STXBP5L: variants seen among roughly 807,000 people sequenced by gnomAD.
STXBP5L encodes the protein syntaxin-binding protein 5-like.
In STXBP5L, 65 loss-of-function variants were observed where a neutral mutation model predicts 144.5. The observed-to-expected ratio is 0.45, with a 90% CI of 0.37 to 0.55. The LOEUF is 0.55. Ranked by LOEUF, STXBP5L falls within the 20% of genes least tolerant of loss-of-function variation. The pLI is 0.00. For synonymous variants in STXBP5L, 505 were observed against 469.6 expected, an observed-to-expected ratio of 1.08 and a Z score of -0.97; for missense variants, 1,298 against 1,405.5, an observed-to-expected ratio of 0.92 and a Z score of 1.22.
intron 3 of STXBP5L, among the ~76,000 whole-genome samples, chr3:121,022,255 C>G (rs1366175492): frequency 6.6e-6 from 1 of 151,988 alleles, no homozygotes; most frequent in Non-Finnish European, 1.5e-5. Flanking sequence ...TAAATAGTAA[C>G]AAGCAGCAAG....
At chr3:121,348,664 C>A (rs549240479) in intron 20 of STXBP5L, among the ~76,000 whole-genome samples, 1 of 152,108 alleles carries the variant, frequency 6.6e-6, no homozygotes, top group South Asian at 2.1e-4. Flanking sequence ...AGAGATTCAA[C>A]TTCTTCCTGG....
rs375924191 is a variant in STXBP5L at position 120,976,872 on chromosome 3, C to T, written c.287+21835C>T. Among the ~76,000 whole-genome samples, 1,063 of 151,978 alleles carry T rather than the reference C, an allele frequency of 7.0e-3. 17 individuals carry two copies. The highest frequency in any genetic ancestry group is 0.024 in the African/African-American group (1,001 of 41,450). ...GAGCGGTTTTGAGTGAGTTTCTTAA[C>T]CCTGAGTTTTAGTTTGATTGCACTG... On this transcript the variant is annotated intron_variant, in intron 3 of 26. Coordinates refer to ENST00000471454, the MANE Select transcript of STXBP5L (RefSeq NM_001308330.2).
intron 20 of STXBP5L, among the ~76,000 whole-genome samples, chr3:121,332,654 T>G (rs2044359402): frequency 6.6e-6 from 1 of 152,034 alleles, no homozygotes; most frequent in Admixed American, 6.6e-5. Context: ...ATCACTGGTG[T>G]TTCTGAAGAA....
At chr3:121,267,048 T>A (rs1161454504) in intron 18 of STXBP5L, among the ~76,000 whole-genome samples, 1 of 152,080 alleles carries the variant, frequency 6.6e-6, no homozygotes, top group African/African-American at 2.4e-5. Flanking sequence ...TTCACAAAAT[T>A]ATAAAAAAGT....
At chr3:121,346,720 G>T (rs963759748) in intron 20 of STXBP5L, among the ~76,000 whole-genome samples, 4 of 152,058 alleles carry the variant, frequency 2.6e-5, no homozygotes, top group African/African-American at 9.7e-5. Flanking sequence ...GAGCATTTTT[G>T]TATGTGTCTT....
rs1424036324 is a variant in STXBP5L, at chr3:121,081,795, C to T, written c.471-33130C>T. On this transcript the variant is annotated intron_variant, in intron 5 of 26. Transcript: ENST00000471454. ...ATTTATTAAGTTGGCTGGGGGAGCT[C>T]TCAATTAGGTGTGGAGAGGCTTTAT... 5.3e-5 allele frequency among the ~76,000 whole-genome samples: 8 copies of T among 152,220 alleles called. No homozygotes were observed. In the East Asian group the frequency reaches 1.5e-3, roughly 29 times the overall value.
intron 2 of STXBP5L, among the ~76,000 whole-genome samples, chr3:120,946,197 G>A (rs1012199052): frequency 6.6e-6 from 1 of 151,704 alleles, no homozygotes; most frequent in Non-Finnish European, 1.5e-5. Context: ...AATAACTGTG[G>A]CTTAAACAAT....
At chr3:120,936,031 C>G (rs962313065) in intron 2 of STXBP5L, among the ~76,000 whole-genome samples, 1 of 152,064 alleles carries the variant, frequency 6.6e-6, no homozygotes, top group African/African-American at 2.4e-5. Context: ...TCTCATAGTG[C>G]TAGGATATTC....
intron 5 of STXBP5L, among the ~76,000 whole-genome samples, chr3:121,092,993 T>A (rs1168438347): frequency 2.6e-5 from 4 of 152,238 alleles, no homozygotes; most frequent in African/African-American, 9.6e-5. Context: ...AGTTGTTGAA[T>A]TTTGTCAAAG....
At chr3:121,399,653 A>G (rs1177263752) in intron 22 of STXBP5L, among the ~76,000 whole-genome samples, 5 of 152,242 alleles carry the variant, frequency 3.3e-5, no homozygotes, top group Non-Finnish European at 2.9e-5. Context: ...GCATGTCCTT[A>G]AGGCACAGAT....
chr3:121,028,838 A>G (rs369815422), intron 3 of STXBP5L, among the ~76,000 whole-genome samples: 10 of 152,074 alleles, frequency 6.6e-5, no homozygotes, highest in South Asian at 2.1e-4. Context: ...ATTCCTGACA[A>G]CAACTGCCAT....
intron 18 of STXBP5L, among the ~76,000 whole-genome samples, chr3:121,269,994 G>C (rs1203065463): frequency 1.3e-5 from 2 of 152,174 alleles, no homozygotes; most frequent in South Asian, 4.1e-4. Flanking sequence ...ATGTTTAGAA[G>C]TAAATTGCAT....
intron 3 of STXBP5L, among the ~76,000 whole-genome samples, chr3:120,979,508 G>A (rs142551299): frequency 0.04 from 6,056 of 152,230 alleles, 169 homozygotes; most frequent in Middle Eastern, 0.082. Flanking sequence ...CCCGAGTGAA[G>A]CAATGCCTCA....
intron 2 of STXBP5L, among the ~76,000 whole-genome samples, chr3:120,948,711 A>G (rs1044590234): frequency 1.3e-5 from 2 of 151,958 alleles, no homozygotes; most frequent in African/African-American, 4.8e-5. Context: ...AACTCCACCC[A>G]GGTTTCTGTA....
chr3:121,053,243 T>A (rs1406666268), intron 5 of STXBP5L, among the ~76,000 whole-genome samples: 1 of 152,148 alleles, frequency 6.6e-6, no homozygotes, highest in Non-Finnish European at 1.5e-5. Flanking sequence ...AAAAAACTAC[T>A]TTAAAGTTCA....
chr3:121,414,888 T>C (rs1560070109), intron 24 of STXBP5L, among the ~76,000 whole-genome samples: 1 of 152,220 alleles, frequency 6.6e-6, no homozygotes, highest in East Asian at 1.9e-4. Context: ...GGAGAAAAGT[T>C]AGCAGATTCA....
At chr3:121,198,997 A>G (rs1394808532) in intron 9 of STXBP5L, among the ~76,000 whole-genome samples, 4 of 152,160 alleles carry the variant, frequency 2.6e-5, no homozygotes, top group African/African-American at 4.8e-5. Flanking sequence ...TGAAATTTAA[A>G]GTAGATTTTT....
At chr3:121,160,665 GTCAGAGT>G (rs1241204437) in intron 9 of STXBP5L, among the ~76,000 whole-genome samples, 33 of 152,052 alleles carry the variant, frequency 2.2e-4, no homozygotes, top group African/African-American at 8.0e-4. Context: ...CTTTTATCTA[GTCAGAGT>G]TCAATCTATT....
chr3:121,419,608 A>G lies in STXBP5L; in HGVS notation c.*511A>G, dbSNP rs897690907. On this transcript the variant is annotated 3_prime_UTR_variant, in exon 27 of 27. Transcript: ENST00000471454. Reference sequence around the variant, plus strand: ...TCAGTGCATTTCAAATATATTTGCCATACCCAACTGAAACGGAAAACAAAA... The same window carrying G: ...TCAGTGCATTTCAAATATATTTGCCGTACCCAACTGAAACGGAAAACAAAA... 6.6e-6 allele frequency: 1 copy of G among 152,324 alleles called. No homozygotes were observed. Among genetic ancestry groups the G allele is most frequent in the Non-Finnish European group, 1.5e-5 (1 of 68,114 alleles). The allele number at this position is 152,324 out of a possible 1,614,324, so 9.4% of individuals were successfully genotyped here.
Sources: gnomAD v4.1 joint callset for allele counts (sites outside exome capture counted in the v4.1 genomes callset) on GRCh38, gnomAD v4.1.1 for gene constraint, MANE v1.5 for transcripts, NCBI Gene and HGNC (gene_info 2026-07-23, HGNC 2026-07-21) for gene names.